Variants in MEIKIN observed in about 807,000 individuals in gnomAD.
MEIKIN encodes the protein meiotic kinetochore factor, also known as meiosis-specific kinetochore protein.
chr5:131,846,663 A>G (rs1175526676), intron 11 of MEIKIN, among the ~76,000 whole-genome samples: 1 of 152,184 alleles, frequency 6.6e-6, no homozygotes, highest in African/African-American at 2.4e-5. Context: ...TCTACAAAAA[A>G]TACAAAAATT....
rs182433700 is a variant in MEIKIN, at chr5:131,881,682, T to C, written c.704-2634A>G. Among the ~76,000 whole-genome samples the C allele has an allele frequency of 1.6e-4, 24 of 152,252 alleles. 1 individual carries two copies. Among genetic ancestry groups the C allele is most frequent in the Middle Eastern group, 6.8e-3 (2 of 294 alleles). On this transcript the variant is annotated intron_variant, in intron 8 of 12. Transcript: ENST00000442687. ...AGATTTTATTGAAGTATACCATATATATAATAACAGTCACAATCTTGGTAT... is the reference window on the plus strand; with the variant it reads ...AGATTTTATTGAAGTATACCATATACATAATAACAGTCACAATCTTGGTAT...
chr5:131,931,005 G>A (rs769119544), intron 5 of MEIKIN, among the ~76,000 whole-genome samples: 6 of 151,888 alleles, frequency 4.0e-5, no homozygotes, highest in Non-Finnish European at 8.8e-5. Flanking sequence ...CCTTTGTTTC[G>A]ACCATGTTTC....
chr5:131,824,697 C>A (rs765709177), intron 11 of MEIKIN, among the ~76,000 whole-genome samples: 1 of 151,956 alleles, frequency 6.6e-6, no homozygotes, highest in African/African-American at 2.4e-5. Context: ...CAGACTATAA[C>A]AAATAAATGA....
At chr5:131,847,607 C>CCT (rs1361718614) in intron 11 of MEIKIN, among the ~76,000 whole-genome samples, 1 of 151,952 alleles carries the variant, frequency 6.6e-6, no homozygotes, top group African/African-American at 2.4e-5. Flanking sequence ...GACTTCAATA[C>CCT]CTCTCTCTCA....
intron 4 of MEIKIN, among the ~76,000 whole-genome samples, chr5:131,934,120 A>T (rs912244613): frequency 9.5e-5 from 14 of 147,462 alleles, no homozygotes; most frequent in Non-Finnish European, 2.0e-4. Flanking sequence ...CTGGCTAATT[A>T]TTTTTTTTTT....
chr5:131,890,436 G>A (rs917381754), intron 8 of MEIKIN, among the ~76,000 whole-genome samples: 3 of 150,786 alleles, frequency 2.0e-5, no homozygotes, highest in South Asian at 2.1e-4. Context: ...TGGGAGGGTC[G>A]AGGAACTTAT....
intron 11 of MEIKIN, among the ~76,000 whole-genome samples, chr5:131,820,769 A>T (rs6861732): frequency 6.6e-6 from 1 of 152,020 alleles, no homozygotes; most frequent in African/African-American, 2.4e-5. Flanking sequence ...GAAATTTATC[A>T]ATTTCTTCTA....
At chr5:131,871,741 C>G (rs1750504746) in intron 9 of MEIKIN, among the ~76,000 whole-genome samples, 1 of 152,210 alleles carries the variant, frequency 6.6e-6, no homozygotes, top group South Asian at 2.1e-4. Flanking sequence ...AACTGGGAGG[C>G]ACCCCCCAGT....
At chr5:131,867,435 G>T (rs548106367) in intron 9 of MEIKIN, among the ~76,000 whole-genome samples, 26 of 152,196 alleles carry the variant, frequency 1.7e-4, no homozygotes, top group African/African-American at 6.3e-4. Flanking sequence ...TATATTCTGT[G>T]GGTTTTGACA....
chr5:131,811,915 A>C, intron 12 of MEIKIN, among the ~76,000 whole-genome samples: 1 of 152,354 alleles, frequency 6.6e-6, no homozygotes, highest in Admixed American at 6.5e-5. Flanking sequence ...TTCTTAAAGT[A>C]TAACAAATAC....
intron 11 of MEIKIN, among the ~76,000 whole-genome samples, chr5:131,845,871 A>C (rs529110021): frequency 2.0e-5 from 3 of 152,154 alleles, no homozygotes; most frequent in Admixed American, 6.5e-5. Flanking sequence ...GGAAGAGAGA[A>C]TATTAGAAGA....
chr5:131,925,264 TC>T (rs1340854245), intron 5 of MEIKIN, among the ~76,000 whole-genome samples: 1 of 152,224 alleles, frequency 6.6e-6, no homozygotes, highest in Non-Finnish European at 1.5e-5. Context: ...TATTTGAGCT[TC>T]TTTGTGGTTC....
At chr5:131,890,622 T>A (rs1750894180) in intron 8 of MEIKIN, among the ~76,000 whole-genome samples, 1 of 152,226 alleles carries the variant, frequency 6.6e-6, no homozygotes, top group African/African-American at 2.4e-5. Context: ...TCTTTATTAG[T>A]CTTGCTAGTG....
chr5:131,852,457 G>A (rs1335427946), intron 10 of MEIKIN, among the ~76,000 whole-genome samples: 5 of 152,032 alleles, frequency 3.3e-5, no homozygotes, highest in Non-Finnish European at 7.4e-5. Context: ...ATAGCAGTGT[G>A]GAAACAGACT....
At chr5:131,834,086 GTTTTA>G (rs1322053123) in intron 11 of MEIKIN, among the ~76,000 whole-genome samples, 1 of 152,152 alleles carries the variant, frequency 6.6e-6, no homozygotes, top group Non-Finnish European at 1.5e-5. Context: ...AAAACAAACA[GTTTTA>G]CATGTTAATA....
chr5:131,936,452 C>T (rs1453967136), intron 4 of MEIKIN, among the ~76,000 whole-genome samples: 3 of 152,174 alleles, frequency 2.0e-5, no homozygotes, highest in Non-Finnish European at 2.9e-5. Context: ...CAAATATACT[C>T]GTAGCCAAGC....
At chr5:131,863,583 T>G (rs1044904774) in intron 9 of MEIKIN, among the ~76,000 whole-genome samples, 1 of 109,024 alleles carries the variant, frequency 9.2e-6, no homozygotes, top group Non-Finnish European at 2.0e-5. Flanking sequence ...TTTTTTTTTT[T>G]ACTGTTTTTG....
intron 11 of MEIKIN, among the ~76,000 whole-genome samples, chr5:131,835,170 ATATATATGTG>A (rs1449908730): frequency 6.6e-6 from 1 of 151,432 alleles, no homozygotes; most frequent in Non-Finnish European, 1.5e-5. Flanking sequence ...TGTGTTCCAT[ATATATATGTG>A]TATATATATG....
At chr5:131,918,387 T>TA (rs1751449225) in intron 6 of MEIKIN, among the ~76,000 whole-genome samples, 1 of 152,238 alleles carries the variant, frequency 6.6e-6, no homozygotes, top group Non-Finnish European at 1.5e-5. Flanking sequence ...AAGTATTTGC[T>TA]AAAGAGACAG....
Sources: allele counts gnomAD v4.1 joint callset (sites outside exome capture counted in the v4.1 genomes callset), GRCh38; gene constraint gnomAD v4.1.1; transcripts MANE v1.5; gene names NCBI Gene and HGNC (gene_info 2026-07-23, HGNC 2026-07-21).